Variants in ZNF568 observed in about 807,000 individuals in gnomAD.
ZNF568 encodes the protein zinc finger protein 568.
A neutral mutation model predicts 18.1 loss-of-function variants in ZNF568; 11 were observed. The ratio of observed to expected loss-of-function variants is 0.61; its 90% confidence interval spans 0.38 to 1.00. The LOEUF (loss-of-function observed/expected upper bound fraction) is 1.00. Ranked by LOEUF, ZNF568 falls within the 50% of genes least tolerant of loss-of-function variation. ZNF568 has a pLI of 0.01. For synonymous variants in ZNF568, 213 were observed against 246.6 expected, an observed-to-expected ratio of 0.86 and a Z score of 1.28; for missense variants, 639 against 768.2, an observed-to-expected ratio of 0.83 and a Z score of 1.99.
chr19:36,952,008 G>A lies in ZNF568; in HGVS notation c.*920G>A. The A allele has an allele frequency of 1.3e-6, 1 of 799,370 alleles. No individual in the cohort carries two copies. The allele number at this position is 799,370 out of a possible 1,614,324, so 49.5% of individuals were successfully genotyped here. A position where few individuals can be genotyped will look rare whatever the true frequency, so the allele number is the denominator to read the frequency against. ...GTGAAACCATTGGGAGAAAATAGAT[G>A]ATATTGTCTATGACGTTGAGGCCAA... On this transcript the variant is annotated 3_prime_UTR_variant, in exon 7 of 7. Coordinates refer to ENST00000333987, the MANE Select transcript of ZNF568 (RefSeq NM_198539.4).
At chr19:36,965,503 T>C (rs523979) in intron 6 of ZNF568, among the ~76,000 whole-genome samples, 1 of 151,890 alleles carries the variant, frequency 6.6e-6, no homozygotes, top group Non-Finnish European at 1.5e-5. Flanking sequence ...CTAGCCACCT[T>C]ATAGAAGGCC....
intron 6 of ZNF568, among the ~76,000 whole-genome samples, chr19:36,965,350 G>T (rs1204528316): frequency 6.6e-6 from 1 of 152,098 alleles, no homozygotes; most frequent in Non-Finnish European, 1.5e-5. Context: ...AAAAATATTT[G>T]GGGGTAATGG....
At chr19:36,927,716 A>C (rs1382818185) in intron 4 of ZNF568, among the ~76,000 whole-genome samples, 1 of 150,016 alleles carries the variant, frequency 6.7e-6, no homozygotes, top group Non-Finnish European at 1.5e-5. Context: ...TTTTAGAATT[A>C]GTTTATCTAG....
chr19:36,953,057 T>A (rs1178946583), downstream of ZNF568, among the ~76,000 whole-genome samples: 1 of 152,272 alleles, frequency 6.6e-6, no homozygotes, highest in African/African-American at 2.4e-5. Context: ...CAGATGCCAG[T>A]ATAACAAATG....
intron 6 of ZNF568, among the ~76,000 whole-genome samples, chr19:36,947,143 C>T (rs2073981023): frequency 6.6e-6 from 1 of 151,900 alleles, no homozygotes. Context: ...AGCCTCCTGT[C>T]TAGCTGGGAT....
At chr19:36,948,178 A>T (rs570270639) in intron 6 of ZNF568, among the ~76,000 whole-genome samples, 1 of 152,166 alleles carries the variant, frequency 6.6e-6, no homozygotes, top group Admixed American at 6.6e-5. Context: ...AACCACTGAT[A>T]CCTTTACTAG....
In ZNF568 at chr19:36,950,100, G is replaced by A. The variant is rs2074032552; in HGVS notation, c.947G>A (p.Ser316Asn). The change falls in exon 7 of 7, where the codon AGT (serine) becomes AAT (asparagine). Residue 316 changes from serine (S) to asparagine (N), a missense_variant. Physicochemically the swap from Ser to Asn is conservative, Grantham distance 46. Coordinates refer to ENST00000333987, the MANE Select transcript of ZNF568 (RefSeq NM_198539.4). ...TGTAAGGATTGTTGGAAAGCCTTCA[G>A]TCAGAAATCAAATCTCATTGAACAT... is the stretch of plus-strand genomic sequence containing the variant. The part of the protein sequence containing the change: ...YACKDCWKAF[S>N]QKSNLIEHER... 6.2e-7 allele frequency: 1 copy of A among 1,613,824 alleles called. No homozygotes were observed. The highest frequency in any genetic ancestry group is 8.5e-7 in the Non-Finnish European group (1 of 1,179,912).
chr19:36,991,828 AC>A lies in ZNF568; in HGVS notation c.212del (p.Thr71LysfsTer59), dbSNP rs777889782. 1 of 1,575,056 alleles carries A rather than the reference AC, an allele frequency of 6.3e-7. No individual in the cohort carries two copies. The highest frequency in any genetic ancestry group is 1.1e-5 in the South Asian group (1 of 87,774). On this transcript the variant is annotated frameshift_variant, in exon 4 of 5. Coordinates refer to the ZNF568 transcript ENST00000433993. LOFTEE classifies it low-confidence loss of function (END_TRUNC). ...GCCCTGGATGGTTAAGAGGAAGGAGACAAAAGAATGGTGTCCAGGTGAGTGA... is the reference window on the plus strand; with the variant it reads ...GCCCTGGATGGTTAAGAGGAAGGAGAAAAAGAATGGTGTCCAGGTGAGTGA...
chr19:36,979,758 G>A (rs2074316324), exon 8 of ZNF568: 1 of 152,060 alleles, frequency 6.6e-6, no homozygotes, highest in South Asian at 2.1e-4. Flanking sequence ...AACTAAAAAA[G>A]GAATTGCTAG....
chr19:36,924,460 G>A (rs577421476), intron 3 of ZNF568, among the ~76,000 whole-genome samples: 30 of 149,194 alleles, frequency 2.0e-4, no homozygotes, highest in African/African-American at 6.9e-4. Context: ...CTCGTGATCC[G>A]CCCGCCTTGG....
downstream of ZNF568, among the ~76,000 whole-genome samples, chr19:36,954,085 G>T (rs893469682): frequency 1.3e-5 from 2 of 151,630 alleles, no homozygotes; most frequent in Non-Finnish European, 2.9e-5. Context: ...TTAGCTGGGC[G>T]TGGTGGTGCA....
At chr19:36,997,279 A>G (rs780281989), downstream of ZNF568, 70 of 1,602,458 alleles carry the variant, frequency 4.4e-5, no homozygotes, top group Non-Finnish European at 6.0e-5. Context: ...GAGTGTCCAT[A>G]CTGGGGAGAA....
intron 6 of ZNF568, among the ~76,000 whole-genome samples, chr19:36,963,769 C>A (rs1279956727): frequency 6.6e-6 from 1 of 152,018 alleles, no homozygotes; most frequent in Admixed American, 6.6e-5. Context: ...GAGATTGAGA[C>A]CATCCTAGCC....
intron 4 of ZNF568, among the ~76,000 whole-genome samples, chr19:36,932,212 A>G (rs1436184826): frequency 1.3e-5 from 2 of 152,198 alleles, no homozygotes; most frequent in Non-Finnish European, 2.9e-5. Context: ...ATGTGGTCAT[A>G]TGTTTTCACT....
At chr19:36,952,893 G>A (rs2074079120), downstream of ZNF568, 1 of 162,478 alleles carries the variant, frequency 6.2e-6, no homozygotes, top group Admixed American at 6.5e-5. Context: ...TTAGTAATTA[G>A]AATATTCTTG....
In ZNF568 at chr19:36,950,380, G is replaced by A; in HGVS notation, c.1227G>A (p.Met409Ile). 6.2e-7 allele frequency: 1 copy of A among 1,613,974 alleles called. No individual in the cohort carries two copies. Among genetic ancestry groups the A allele is most frequent in the Non-Finnish European group, 8.5e-7 (1 of 1,179,902 alleles). The change falls in exon 7 of 7, where the codon ATG (methionine) becomes ATA (isoleucine). Residue 409 changes from methionine to isoleucine, a missense_variant. Coordinates refer to ENST00000333987, the MANE Select transcript of ZNF568 (RefSeq NM_198539.4). Reference sequence around the variant, plus strand: ...AATGCTCAGTATTTATTATACATATGAGAAGTCACACTGGTGAGAAACCCT... The same window carrying A: ...AATGCTCAGTATTTATTATACATATAAGAAGTCACACTGGTGAGAAACCCT... Reference protein sequence around the residue: ...FSQCSVFIIHMRSHTGEKPYV... With the variant: ...FSQCSVFIIHIRSHTGEKPYV...
chr19:36,931,750 C>G (rs1476979624), intron 4 of ZNF568: 2 of 152,140 alleles, frequency 1.3e-5, no homozygotes, highest in African/African-American at 4.8e-5. Flanking sequence ...AAGTCACATA[C>G]TATAAAATTA....
chr19:36,941,127 T>C (rs1442917977), intron 6 of ZNF568, among the ~76,000 whole-genome samples: 1 of 152,192 alleles, frequency 6.6e-6, no homozygotes, highest in Non-Finnish European at 1.5e-5. Flanking sequence ...AAGGTTACAA[T>C]GGTCAATTAT....
At position 36,944,499 on chromosome 19, in the gene ZNF568, T is replaced by C. The variant is rs16960966; in HGVS notation, c.359-5013T>C. Reference sequence around the variant, plus strand: ...GCCCTTTTACCTTTTATGCTGAAAATCTTGGCTCCTCATTACATGTTTATT... The same window carrying C: ...GCCCTTTTACCTTTTATGCTGAAAACCTTGGCTCCTCATTACATGTTTATT... On this transcript the variant is annotated intron_variant, in intron 6 of 6. Coordinates refer to ENST00000333987, the MANE Select transcript of ZNF568 (RefSeq NM_198539.4). Among the ~76,000 whole-genome samples the C allele has an allele frequency of 6.3e-3, 956 of 152,108 alleles. 28 individuals are homozygous for C. The highest frequency in any genetic ancestry group is 0.05 in the East Asian group (259 of 5,182).
Sources: allele counts gnomAD v4.1 joint callset (sites outside exome capture counted in the v4.1 genomes callset), GRCh38; gene constraint gnomAD v4.1.1; transcripts MANE v1.5; gene names NCBI Gene and HGNC (gene_info 2026-07-23, HGNC 2026-07-21).